Variants in ACKR3 observed in about 807,000 individuals in gnomAD.
ACKR3 encodes the protein C-X-C chemokine receptor type 7.
ACKR3 carries 6 observed loss-of-function variants against 22.4 expected under a neutral mutation model. That is an observed-to-expected ratio of 0.27 (90% CI 0.15 to 0.53). ACKR3 has a LOEUF of 0.53. ACKR3 is among the 20% of genes least tolerant of loss of function. The pLI is 0.96. For synonymous variants in ACKR3, 209 were observed against 205.2 expected (o/e 1.02, Z -0.16); for missense variants, 396 against 475.2 (o/e 0.83, Z 1.55).
chr2:236,568,937 C>T (rs868846480), upstream of ACKR3, among the ~76,000 whole-genome samples: 3 of 152,138 alleles, frequency 2.0e-5, no homozygotes, highest in Non-Finnish European at 4.4e-5. Context: ...GATGGGCTGG[C>T]GGGTGGCCTT....
the ACKR3 span, among the ~76,000 whole-genome samples, chr2:236,562,411 G>A: frequency 6.6e-6 from 1 of 152,038 alleles, no homozygotes; most frequent in Non-Finnish European, 1.5e-5. Context: ...ATGTTTTCTA[G>A]TAATGTTCAG....
upstream of ACKR3, among the ~76,000 whole-genome samples, chr2:236,564,007 G>T (rs114576913): frequency 4.4e-3 from 666 of 152,258 alleles, 4 homozygotes; most frequent in Non-Finnish European, 7.1e-3. Context: ...CTGGAGACAG[G>T]GAGCCTAAGG....
intron 1 of ACKR3, among the ~76,000 whole-genome samples, chr2:236,572,865 G>C (rs560596654): frequency 6.6e-6 from 1 of 152,368 alleles, no homozygotes; most frequent in East Asian, 1.9e-4. Context: ...TATGTCTAAG[G>C]ACCCTGGGAA....
the ACKR3 span, among the ~76,000 whole-genome samples, chr2:236,556,525 C>G: frequency 6.6e-6 from 1 of 151,910 alleles, no homozygotes. Flanking sequence ...GAGGTTGGAG[C>G]GATTCGAGGA....
chr2:236,564,624 T>C (rs1691143061), upstream of ACKR3, among the ~76,000 whole-genome samples: 2 of 151,128 alleles, frequency 1.3e-5, no homozygotes, highest in South Asian at 4.2e-4. Context: ...AAGCACTTCC[T>C]TAATAAATCA....
Position 236,578,049 on chromosome 2 carries a change from A to T in ACKR3, c.-26-2391A>T, listed in dbSNP as rs1691449084. Among the ~76,000 whole-genome samples the T allele has an allele frequency of 2.0e-5, 3 of 152,232 alleles. No homozygotes were observed. In the South Asian group the frequency reaches 6.2e-4, roughly 31 times the overall value. ...TCGTTTTAAGGAAATGGGAGAAAGG[A>T]ACAAGGATTGTTGCAGTAGAGCCAT... On this transcript the variant is annotated intron_variant, in intron 1 of 1. Coordinates refer to ENST00000272928, the MANE Select transcript of ACKR3 (RefSeq NM_020311.3).
Position 236,577,473 on chromosome 2 carries a change from A to C in ACKR3, c.-26-2967A>C, listed in dbSNP as rs1691433921. ...CCCACTCTGGGCTCTGAGAATACTG[A>C]AGGCTGCTGGTAGCTCAAAGCGGGT... On this transcript the variant is annotated intron_variant, in intron 1 of 1. Transcript: ENST00000272928. This position sits in a 1 kb window ranked among gnomAD's most constrained non-coding sequence, Gnocchi z 5.6. Among the ~76,000 whole-genome samples, 1 of 152,026 alleles carries C rather than the reference A, an allele frequency of 6.6e-6. No individual in the cohort carries two copies. Among genetic ancestry groups the C allele is most frequent in the Non-Finnish European group, 1.5e-5 (1 of 68,006 alleles).
chr2:236,581,008 C>T lies in ACKR3; in HGVS notation c.543C>T (p.Tyr181=), dbSNP rs1277478612. 1 of 1,614,184 alleles carries T rather than the reference C, an allele frequency of 6.2e-7. No individual in the cohort carries two copies. The highest frequency in any genetic ancestry group is 1.3e-5 in the African/African-American group (1 of 75,058). The part of the protein sequence containing the change: ...LAFCVSLPDT[Y]YLKTVTSASN... Reference sequence around the variant, plus strand: ...TCTGCGTGTCTCTGCCTGACACCTACTACCTGAAGACCGTCACGTCTGCGT... The same window carrying T: ...TCTGCGTGTCTCTGCCTGACACCTATTACCTGAAGACCGTCACGTCTGCGT... The change falls in exon 2 of 2, where the codon TAC becomes TAT. Residue 181 remains tyrosine (Y), a synonymous_variant. Transcript: ENST00000272928. The surrounding 1 kb of genome is among the most constrained non-coding windows in gnomAD (Gnocchi z 4.4).
the ACKR3 span, among the ~76,000 whole-genome samples, chr2:236,543,996 C>CTTT: frequency 6.2e-5 from 3 of 48,034 alleles, no homozygotes; most frequent in Non-Finnish European, 1.3e-4. Context: ...TATATATACA[C>CTTT]TTTTTTTTTT....
the ACKR3 span, among the ~76,000 whole-genome samples, chr2:236,544,565 G>C: frequency 6.6e-6 from 1 of 152,202 alleles, no homozygotes; most frequent in Non-Finnish European, 1.5e-5. This position sits in a 1 kb window ranked among gnomAD's most constrained non-coding sequence, Gnocchi z 5.0. Context: ...GCTTGGGTTG[G>C]AGAGCTCAGG....
chr2:236,548,916 T>C, the ACKR3 span, among the ~76,000 whole-genome samples: 1 of 152,214 alleles, frequency 6.6e-6, no homozygotes, highest in African/African-American at 2.4e-5. The surrounding 1 kb of genome is among the most constrained non-coding windows in gnomAD (Gnocchi z 4.3). Flanking sequence ...GTGTCATTCC[T>C]GATGACAAGC....
chr2:236,562,584 G>T, the ACKR3 span, among the ~76,000 whole-genome samples: 1 of 152,010 alleles, frequency 6.6e-6, no homozygotes, highest in Non-Finnish European at 1.5e-5. Context: ...CTGCCAAAGT[G>T]GACATGCCAA....
the ACKR3 span, among the ~76,000 whole-genome samples, chr2:236,548,374 G>C: frequency 6.6e-6 from 1 of 152,176 alleles, no homozygotes; most frequent in African/African-American, 2.4e-5. The surrounding 1 kb of genome is among the most constrained non-coding windows in gnomAD (Gnocchi z 4.3). Flanking sequence ...TCTTAGCCAA[G>C]ATATTTTTGG....
chr2:236,563,065 A>C (rs192785399), upstream of ACKR3, among the ~76,000 whole-genome samples: 21 of 152,308 alleles, frequency 1.4e-4, no homozygotes, highest in Admixed American at 1.0e-3. Context: ...CAGCCTTTTC[A>C]TAAGTGTATT....
chr2:236,563,903 C>T (rs1043599345), upstream of ACKR3, among the ~76,000 whole-genome samples: 1 of 152,174 alleles, frequency 6.6e-6, no homozygotes, highest in Non-Finnish European at 1.5e-5. Flanking sequence ...CTCCCTCCTA[C>T]CACCCAGCAG....
chr2:236,579,404 AG>A (rs1691475969), intron 1 of ACKR3, among the ~76,000 whole-genome samples: 1 of 152,212 alleles, frequency 6.6e-6, no homozygotes, highest in Non-Finnish European at 1.5e-5. Flanking sequence ...TTGCTGACCC[AG>A]GACTGTGGCC....
chr2:236,563,836 A>G (rs1437833426), upstream of ACKR3, among the ~76,000 whole-genome samples: 8 of 152,234 alleles, frequency 5.3e-5, 1 homozygote, highest in Admixed American at 5.2e-4. Context: ...TAGGTGGGTT[A>G]CTGCAGCCGC....
the ACKR3 span, among the ~76,000 whole-genome samples, chr2:236,538,821 G>A: frequency 6.6e-6 from 1 of 152,188 alleles, no homozygotes; most frequent in Non-Finnish European, 1.5e-5. Flanking sequence ...TATTGCTTGG[G>A]ATATTCTTAT....
chr2:236,548,557 G>A, the ACKR3 span, among the ~76,000 whole-genome samples: 1 of 152,170 alleles, frequency 6.6e-6, no homozygotes, highest in African/African-American at 2.4e-5. The surrounding 1 kb of genome is among the most constrained non-coding windows in gnomAD (Gnocchi z 4.3). Flanking sequence ...CTTGCAGGGA[G>A]GTCTTTGATC....
Sources: gnomAD v4.1 joint callset for allele counts (sites outside exome capture counted in the v4.1 genomes callset) on GRCh38, gnomAD v4.1.1 for gene constraint, Gnocchi (gnomAD v3.1) non-coding constraint, MANE v1.5 for transcripts, NCBI Gene and HGNC (gene_info 2026-07-23, HGNC 2026-07-21) for gene names.